SRD5A2: variants seen among roughly 807,000 people sequenced by gnomAD.
SRD5A2 encodes 3-oxo-5-alpha-steroid 4-dehydrogenase 2.
Under a neutral mutation model 27.4 loss-of-function variants are expected in SRD5A2, and 30 were observed. The observed-to-expected ratio is 1.10, with a 90% CI of 0.82 to 1.49. The LOEUF (loss-of-function observed/expected upper bound fraction) is 1.49, where lower values mean the gene tolerates loss of function less well. SRD5A2 is among the 40% of genes most tolerant of loss of function. SRD5A2 has a pLI of 0.00. For synonymous variants in SRD5A2, 141 were observed against 133.6 expected (o/e 1.06, Z -0.38); for missense variants, 348 against 323.4 (o/e 1.08, Z -0.58).
chr2:31,586,199 T>C, the SRD5A2 span, among the ~76,000 whole-genome samples: 96,003 of 151,870 alleles, frequency 0.63, 30,742 homozygotes, highest in Middle Eastern at 0.69. Flanking sequence ...TACTCCCCTC[T>C]CACACTTTCC....
the SRD5A2 span, among the ~76,000 whole-genome samples, chr2:31,614,014 AC>A: frequency 1.3e-5 from 2 of 152,222 alleles, no homozygotes; most frequent in Non-Finnish European, 2.9e-5. Flanking sequence ...GGGTGGGAAC[AC>A]AGCAAACCAT....
the SRD5A2 span, among the ~76,000 whole-genome samples, chr2:31,586,656 T>C: frequency 6.6e-6 from 1 of 152,166 alleles, no homozygotes; most frequent in Non-Finnish European, 1.5e-5. Context: ...AAGCAGTACA[T>C]CTAGAAACTG....
chr2:31,638,528 T>C, the SRD5A2 span, among the ~76,000 whole-genome samples: 2 of 152,200 alleles, frequency 1.3e-5, no homozygotes, highest in Non-Finnish European at 2.9e-5. Context: ...GGTGTTAAAG[T>C]CCCCTATCAT....
chr2:31,655,171 G>C, the SRD5A2 span, among the ~76,000 whole-genome samples: 1 of 151,932 alleles, frequency 6.6e-6, no homozygotes, highest in South Asian at 2.1e-4. Flanking sequence ...GCATGATCTC[G>C]ACTCACTGCA....
chr2:31,631,147 T>C, the SRD5A2 span, among the ~76,000 whole-genome samples: 1 of 152,164 alleles, frequency 6.6e-6, no homozygotes, highest in Admixed American at 6.5e-5. Flanking sequence ...TGGGAGTGCA[T>C]CTTGATGGGG....
chr2:31,592,881 G>A, the SRD5A2 span, among the ~76,000 whole-genome samples: 1 of 152,200 alleles, frequency 6.6e-6, no homozygotes, highest in African/African-American at 2.4e-5. Flanking sequence ...TAATTATCAA[G>A]CTACTCAAGG....
chr2:31,654,842 T>C, the SRD5A2 span, among the ~76,000 whole-genome samples: 22 of 152,146 alleles, frequency 1.4e-4, no homozygotes, highest in Non-Finnish European at 2.1e-4. Context: ...TAAATCCTCT[T>C]CTCTGGTCAC....
the SRD5A2 span, among the ~76,000 whole-genome samples, chr2:31,612,530 A>G: frequency 1.3e-5 from 2 of 152,220 alleles, no homozygotes; most frequent in Admixed American, 6.5e-5. Context: ...ATAGAAGTAA[A>G]AAGAAATATA....
At chr2:31,594,192 T>C in the SRD5A2 span, among the ~76,000 whole-genome samples, 1 of 151,964 alleles carries the variant, frequency 6.6e-6, no homozygotes, top group African/African-American at 2.4e-5. Flanking sequence ...CAACAGTACC[T>C]CATATATCAA....
the SRD5A2 span, among the ~76,000 whole-genome samples, chr2:31,610,363 TG>T: frequency 6.6e-6 from 1 of 152,182 alleles, no homozygotes; most frequent in East Asian, 1.9e-4. Context: ...GATGAAGAGA[TG>T]CTTCAACATA....
chr2:31,586,347 G>A, the SRD5A2 span, among the ~76,000 whole-genome samples: 1 of 152,222 alleles, frequency 6.6e-6, no homozygotes, highest in African/African-American at 2.4e-5. Flanking sequence ...CTGAAGGGAA[G>A]GGCACAGACC....
intron 4 of SRD5A2, 52 bp downstream of exon 4, chr2:31,529,255 T>C: frequency 6.2e-7 from 1 of 1,607,208 alleles, no homozygotes; most frequent in Non-Finnish European, 8.5e-7. Flanking sequence ...AAAAGCCTGT[T>C]TGGAGAAGAA....
intron 1 of SRD5A2, among the ~76,000 whole-genome samples, chr2:31,574,338 A>AGG (rs1666912453): frequency 6.6e-6 from 1 of 152,194 alleles, no homozygotes; most frequent in African/African-American, 2.4e-5. Flanking sequence ...ACCAGGCTTC[A>AGG]AGCTCCACTC....
chr2:31,572,363 T>G (rs946080419), intron 1 of SRD5A2, among the ~76,000 whole-genome samples: 2 of 152,170 alleles, frequency 1.3e-5, no homozygotes, highest in Non-Finnish European at 2.9e-5. Context: ...GTATGCTTAT[T>G]ACTGGGGTGA....
upstream of SRD5A2, among the ~76,000 whole-genome samples, chr2:31,583,639 GCAAAAAAAAAACCAAAAAAAAA>G (rs1667124277): frequency 1.1e-4 from 2 of 17,502 alleles, no homozygotes; most frequent in South Asian, 1.5e-3. Context: ...CAAAAAAAAA[GCAAAAAAAAAACCAAAAAAAAA>G]GCAAAAAAAA....
the SRD5A2 span, among the ~76,000 whole-genome samples, chr2:31,629,490 A>C: frequency 6.6e-6 from 1 of 152,200 alleles, no homozygotes; most frequent in Non-Finnish European, 1.5e-5. Flanking sequence ...GGCACCCATC[A>C]GCCAGTTAAA....
chr2:31,528,767 AAAAT>A (rs58489430), intron 4 of SRD5A2, among the ~76,000 whole-genome samples: 82,421 of 149,438 alleles, frequency 0.55, 22,989 homozygotes, highest in African/African-American at 0.64. Flanking sequence ...CTCCAACTCA[AAAAT>A]AAATAAATAA....
At chr2:31,554,014 T>C (rs937070224) in intron 1 of SRD5A2, among the ~76,000 whole-genome samples, 1 of 152,134 alleles carries the variant, frequency 6.6e-6, no homozygotes, top group African/African-American at 2.4e-5. Context: ...AGCATGATAG[T>C]GCACATCTGT....
chr2:31,525,995 G>C lies in SRD5A2; in HGVS notation c.*201C>G. ...AGTGGCTTTTTGAAGCTTCAGTTGGGGATCAGGATAGGGGTCCCTGGAAGG... is the reference window on the plus strand; with the variant it reads ...AGTGGCTTTTTGAAGCTTCAGTTGGCGATCAGGATAGGGGTCCCTGGAAGG... On this transcript the variant is annotated 3_prime_UTR_variant, in exon 5 of 5. Coordinates refer to ENST00000622030, the MANE Select transcript of SRD5A2 (RefSeq NM_000348.4). 2.3e-6 allele frequency: 1 copy of C among 426,164 alleles called. No homozygotes were observed. Among genetic ancestry groups the C allele is most frequent in the Non-Finnish European group, 4.2e-6 (1 of 239,612 alleles). The allele number at this position is 426,164 out of a possible 1,614,324, so 26.4% of individuals were successfully genotyped here.
Sources: allele counts gnomAD v4.1 joint callset (sites outside exome capture counted in the v4.1 genomes callset), GRCh38; gene constraint gnomAD v4.1.1; transcripts MANE v1.5; gene names NCBI Gene and HGNC (gene_info 2026-07-23, HGNC 2026-07-21).